USP12: variants seen among roughly 807,000 people sequenced by gnomAD.
USP12 encodes ubiquitin specific peptidase 12.
A neutral mutation model predicts 45.5 loss-of-function variants in USP12; 19 were observed. That is an observed-to-expected ratio of 0.42 (90% CI 0.29 to 0.61). USP12 has a LOEUF of 0.61. Ranked by LOEUF, USP12 falls within the 20% of genes least tolerant of loss-of-function variation. The pLI, the probability that USP12 is intolerant of heterozygous loss-of-function variation, is 0.22. For missense variants in USP12, 242 were observed against 447.7 expected (o/e 0.54, Z 4.15); for synonymous variants, 149 against 148.8 (o/e 1.00, Z -0.01).
intron 1 of USP12, chr13:27,170,087 A>G (rs1878520249): frequency 2.6e-6 from 1 of 380,790 alleles, no homozygotes; most frequent in Non-Finnish European, 4.6e-6. Context: ...ATTAGCCCAA[A>G]CAATTCTCCA....
intron 3 of USP12, among the ~76,000 whole-genome samples, chr13:27,096,889 A>C (rs1298259265): frequency 6.6e-6 from 1 of 152,232 alleles, no homozygotes; most frequent in Non-Finnish European, 1.5e-5. Flanking sequence ...ATTTAGAAAA[A>C]AATTTAGGGA....
At chr13:27,101,586 CA>C (rs1297893151) in intron 3 of USP12, among the ~76,000 whole-genome samples, 1 of 151,958 alleles carries the variant, frequency 6.6e-6, no homozygotes, top group Non-Finnish European at 1.5e-5. Context: ...GAGAGACAGA[CA>C]ATTTCATTAT....
chr13:27,136,436 T>C (rs1876808895), intron 1 of USP12, among the ~76,000 whole-genome samples: 1 of 152,160 alleles, frequency 6.6e-6, no homozygotes, highest in African/African-American at 2.4e-5. Flanking sequence ...AGGCGGAGGT[T>C]GCAGGGAACC....
At chr13:27,115,702 C>T (rs1201465192) in intron 2 of USP12, among the ~76,000 whole-genome samples, 2 of 152,104 alleles carry the variant, frequency 1.3e-5, no homozygotes, top group African/African-American at 2.4e-5. Context: ...GTTTTAAAAA[C>T]GTGTAATTAC....
chr13:27,104,713 G>A (rs999202198), intron 3 of USP12, among the ~76,000 whole-genome samples: 17 of 152,180 alleles, frequency 1.1e-4, no homozygotes, highest in African/African-American at 2.7e-4. Context: ...ATATTTCAGC[G>A]AACTAGATAT....
chr13:27,160,495 T>TAAA (rs540739773), intron 1 of USP12, among the ~76,000 whole-genome samples: 1 of 145,154 alleles, frequency 6.9e-6, no homozygotes, highest in Non-Finnish European at 1.5e-5. Flanking sequence ...GAACTGTCTT[T>TAAA]AAAAAAAAAA....
intron 1 of USP12, among the ~76,000 whole-genome samples, chr13:27,153,446 T>C (rs1008697698): frequency 1.3e-5 from 2 of 152,282 alleles, no homozygotes; most frequent in South Asian, 4.1e-4. Flanking sequence ...AAATATTTTC[T>C]AGTTTCAAAT....
chr13:27,116,612 C>G lies in USP12; in HGVS notation c.49-16G>C, dbSNP rs762755639. 5.6e-6 allele frequency: 9 copies of G among 1,607,478 alleles called. No individual in the cohort carries two copies. The South Asian group carries it at 1.0e-4, about 18-fold the overall frequency. ...CATTGGCGCCCTATAAAATGAAAAA[C>G]AAAAATCTTAGTATTTATAGTAGTC... On this transcript the variant is annotated splice_polypyrimidine_tract_variant and intron_variant, in intron 1 of 8. Transcript: ENST00000282344.
chr13:27,131,672 C>A (rs1185969715), intron 1 of USP12, among the ~76,000 whole-genome samples: 1 of 152,136 alleles, frequency 6.6e-6, no homozygotes, highest in Admixed American at 6.5e-5. Flanking sequence ...CACCAAATCC[C>A]TTTCATATGC....
At chr13:27,109,506 T>C (rs1034476283) in intron 2 of USP12, among the ~76,000 whole-genome samples, 1 of 152,120 alleles carries the variant, frequency 6.6e-6, no homozygotes, top group Non-Finnish European at 1.5e-5. Context: ...GATGACCTAG[T>C]TTCTCCACAA....
At chr13:27,079,236 A>C in intron 6 of USP12, among the ~76,000 whole-genome samples, 1 of 135,446 alleles carries the variant, frequency 7.4e-6, no homozygotes, top group Non-Finnish European at 1.6e-5. Context: ...GAGTGGGGGG[A>C]GAGGGAAGGA....
chr13:27,104,723 T>C (rs1413174882), intron 3 of USP12, among the ~76,000 whole-genome samples: 2 of 152,228 alleles, frequency 1.3e-5, no homozygotes, highest in African/African-American at 4.8e-5. Flanking sequence ...GAACTAGATA[T>C]GATCCAGGCT....
chr13:27,139,749 G>A (rs971736623), intron 1 of USP12, among the ~76,000 whole-genome samples: 7 of 152,160 alleles, frequency 4.6e-5, no homozygotes, highest in Admixed American at 3.3e-4. Context: ...TCACATACAA[G>A]TGCTAACATG....
At chr13:27,090,217 A>C in intron 4 of USP12, 59 bp from the exon 5 acceptor site, 1 of 1,350,288 alleles carries the variant, frequency 7.4e-7, no homozygotes, top group Non-Finnish European at 1.0e-6. Flanking sequence ...ACAGTTCCCA[A>C]TTAACAGAAT....
intron 1 of USP12, among the ~76,000 whole-genome samples, chr13:27,141,235 A>C (rs903463695): frequency 9.9e-5 from 15 of 152,014 alleles, no homozygotes; most frequent in African/African-American, 3.6e-4. Context: ...GGTTGGTCTC[A>C]AACTCCTGAC....
At chr13:27,118,130 C>G (rs1049866808) in intron 1 of USP12, among the ~76,000 whole-genome samples, 1 of 151,568 alleles carries the variant, frequency 6.6e-6, no homozygotes, top group Non-Finnish European at 1.5e-5. Flanking sequence ...CGCACCAGTA[C>G]TCAGAATCCC....
At chr13:27,166,328 A>G (rs1196844099) in intron 1 of USP12, among the ~76,000 whole-genome samples, 1 of 152,246 alleles carries the variant, frequency 6.6e-6, no homozygotes, top group Admixed American at 6.5e-5. Flanking sequence ...AAGTATACAA[A>G]TGCTTAAAAG....
intron 1 of USP12, among the ~76,000 whole-genome samples, chr13:27,149,253 C>T (rs1443016066): frequency 6.6e-6 from 1 of 152,102 alleles, no homozygotes; most frequent in African/African-American, 2.4e-5. Context: ...TCTGACAAAA[C>T]GCATCTATAA....
intron 1 of USP12, among the ~76,000 whole-genome samples, chr13:27,138,173 T>C (rs1876894244): frequency 6.6e-6 from 1 of 152,236 alleles, no homozygotes; most frequent in Non-Finnish European, 1.5e-5. Flanking sequence ...AGCTGCTCAA[T>C]TTGTGATAAT....
Sources: gnomAD v4.1 joint callset for allele counts (sites outside exome capture counted in the v4.1 genomes callset) on GRCh38, gnomAD v4.1.1 for gene constraint, MANE v1.5 for transcripts, NCBI Gene and HGNC (gene_info 2026-07-23, HGNC 2026-07-21) for gene names.